LRRC7: variants seen among roughly 807,000 people sequenced by gnomAD.
LRRC7 encodes the protein leucine rich repeat containing 7.
Under a neutral mutation model 175.7 loss-of-function variants are expected in LRRC7, and 23 were observed. The observed-to-expected ratio is 0.13, with a 90% CI of 0.09 to 0.19. LRRC7 has a LOEUF of 0.19. Ranked by LOEUF, LRRC7 falls within the 10% of genes least tolerant of loss-of-function variation. The probability of loss-of-function intolerance (pLI) is 1.00; values close to 1 mark genes in which losing one functional copy is unlikely to be tolerated. For synonymous variants in LRRC7, 685 were observed against 680.9 expected, an observed-to-expected ratio of 1.01 and a Z score of -0.09; for missense variants, 1,354 against 1,904.7, an observed-to-expected ratio of 0.71 and a Z score of 5.38.
At chr1:69,999,828 A>T (rs1655359114) in intron 11 of LRRC7, among the ~76,000 whole-genome samples, 1 of 152,156 alleles carries the variant, frequency 6.6e-6, no homozygotes, top group African/African-American at 2.4e-5. Flanking sequence ...TGAAGTAGGG[A>T]TGTAACTACT....
intron 7 of LRRC7, among the ~76,000 whole-genome samples, chr1:69,909,065 C>A (rs1428424983): frequency 6.6e-6 from 1 of 151,600 alleles, no homozygotes; most frequent in East Asian, 1.9e-4. Flanking sequence ...GGTTTAAAGT[C>A]TGTTTTATCA....
At chr1:69,787,817 C>T (rs116065483) in intron 3 of LRRC7, among the ~76,000 whole-genome samples, 6,932 of 152,230 alleles carry the variant, frequency 0.046, 239 homozygotes, top group Admixed American at 0.1. Context: ...ATTCAATTAC[C>T]TCCCACCGGG....
chr1:69,682,842 T>A (rs925460270), intron 2 of LRRC7, among the ~76,000 whole-genome samples: 3 of 152,284 alleles, frequency 2.0e-5, no homozygotes, highest in South Asian at 2.1e-4. Context: ...TGGTTACTCT[T>A]TTGCATGCTC....
At chr1:69,928,218 T>G (rs376321062) in intron 7 of LRRC7, among the ~76,000 whole-genome samples, 2 of 152,188 alleles carry the variant, frequency 1.3e-5, no homozygotes, top group Admixed American at 6.5e-5. Context: ...GCCCCTACTG[T>G]GGGGTGCCTC....
Position 70,084,463 on chromosome 1 carries a change from G to A in LRRC7, c.4453-5264G>A, listed in dbSNP as rs771882320. Among the ~76,000 whole-genome samples the A allele has an allele frequency of 7.2e-5, 11 of 152,270 alleles. No individual in the cohort carries two copies. In the South Asian group the frequency reaches 1.0e-3, roughly 14 times the overall value. ...TTTCACTTAGCATAAGGAACTGAATGTAGCATGTATCAGTATTTCATTCTT... is the reference window on the plus strand; with the variant it reads ...TTTCACTTAGCATAAGGAACTGAATATAGCATGTATCAGTATTTCATTCTT... On this transcript the variant is annotated intron_variant, in intron 24 of 26. Transcript: ENST00000651989.
At chr1:69,998,428 T>G (rs535234463) in intron 11 of LRRC7, among the ~76,000 whole-genome samples, 1 of 152,182 alleles carries the variant, frequency 6.6e-6, no homozygotes, top group African/African-American at 2.4e-5. Context: ...CATTTTTTTT[T>G]ATTTTAATGC....
intron 2 of LRRC7, among the ~76,000 whole-genome samples, chr1:69,744,555 T>C (rs1669058341): frequency 1.3e-5 from 2 of 151,912 alleles, no homozygotes; most frequent in Non-Finnish European, 2.9e-5. Context: ...TGCATTCATA[T>C]GTTAATCTCA....
At chr1:69,688,471 T>C (rs772980572) in intron 2 of LRRC7, among the ~76,000 whole-genome samples, 2 of 152,122 alleles carry the variant, frequency 1.3e-5, no homozygotes, top group Non-Finnish European at 2.9e-5. Flanking sequence ...TTTGCATAAC[T>C]GGAAGTTTAG....
At chr1:69,727,262 C>A (rs1667081316) in intron 2 of LRRC7, among the ~76,000 whole-genome samples, 1 of 152,156 alleles carries the variant, frequency 6.6e-6, no homozygotes, top group Non-Finnish European at 1.5e-5. Flanking sequence ...TGATTCCATC[C>A]TGCAAGGGAT....
intron 25 of LRRC7, among the ~76,000 whole-genome samples, chr1:70,096,296 C>G (rs1664392171): frequency 6.6e-6 from 1 of 152,088 alleles, no homozygotes; most frequent in Non-Finnish European, 1.5e-5. Context: ...TTTAATTATT[C>G]ATTAGCTTTA....
intron 7 of LRRC7, among the ~76,000 whole-genome samples, chr1:69,854,839 T>C (rs1683403441): frequency 2.6e-5 from 4 of 152,172 alleles, no homozygotes; most frequent in Admixed American, 2.0e-4. Context: ...AAATAAAATC[T>C]GGATTCATTT....
In LRRC7 at chr1:69,785,831, A is replaced by T. The variant is rs116547704; in HGVS notation, c.304-6212A>T. On this transcript the variant is annotated intron_variant, in intron 3 of 26. Transcript: ENST00000651989. ...ATCCGAATATGAGTGCCTTCCAACA[A>T]TTCTGAAATTCCTCCACTACCTCAC... 8.7e-3 allele frequency among the ~76,000 whole-genome samples: 1,324 copies of T among 152,196 alleles called. 19 individuals are homozygous for T. The highest frequency in any genetic ancestry group is 0.031 in the African/African-American group (1,284 of 41,540).
chr1:69,825,425 T>G (rs1679793991), intron 4 of LRRC7, among the ~76,000 whole-genome samples: 1 of 152,118 alleles, frequency 6.6e-6, no homozygotes, highest in Non-Finnish European at 1.5e-5. Context: ...ACTTAATAAC[T>G]TAAGCTATTT....
intron 7 of LRRC7, among the ~76,000 whole-genome samples, chr1:69,851,012 A>G (rs1682920373): frequency 6.6e-6 from 1 of 152,150 alleles, no homozygotes. Context: ...GAGCCTATAA[A>G]AGATTATGAG....
At chr1:69,757,145 T>C (rs1358138132) in intron 2 of LRRC7, among the ~76,000 whole-genome samples, 2 of 151,954 alleles carry the variant, frequency 1.3e-5, no homozygotes, top group African/African-American at 4.8e-5. Flanking sequence ...TAGAAAGATA[T>C]TAATACTTTC....
chr1:69,614,043 A>G (rs928043299), intron 1 of LRRC7, among the ~76,000 whole-genome samples: 1 of 149,938 alleles, frequency 6.7e-6, no homozygotes, highest in Non-Finnish European at 1.5e-5. Flanking sequence ...GACATTTGAA[A>G]ATTATCATTT....
chr1:69,571,800 C>T (rs534734302), intron 1 of LRRC7, among the ~76,000 whole-genome samples: 19 of 152,234 alleles, frequency 1.2e-4, no homozygotes, highest in African/African-American at 4.1e-4. Flanking sequence ...ACCGACTACA[C>T]GAAGAGTAAC....
intron 3 of LRRC7, among the ~76,000 whole-genome samples, chr1:69,769,425 C>A (rs568615340): frequency 6.8e-6 from 1 of 146,594 alleles, no homozygotes; most frequent in African/African-American, 2.4e-5. Context: ...TGAGCACAGA[C>A]ATAATATTAC....
At chr1:69,712,274 A>C (rs1664848055) in intron 2 of LRRC7, among the ~76,000 whole-genome samples, 2 of 151,660 alleles carry the variant, frequency 1.3e-5, no homozygotes, top group African/African-American at 2.4e-5. Flanking sequence ...GCACACGCGC[A>C]AGTGCTTTAA....
Sources: allele counts gnomAD v4.1 joint callset (sites outside exome capture counted in the v4.1 genomes callset), GRCh38; gene constraint gnomAD v4.1.1; transcripts MANE v1.5; gene names NCBI Gene and HGNC (gene_info 2026-07-23, HGNC 2026-07-21).